ANGPT2: variants seen among roughly 807,000 people sequenced by gnomAD.
ANGPT2 encodes the protein angiopoietin-2.
In ANGPT2, 28 loss-of-function variants were observed where a neutral mutation model predicts 62.9. The ratio of observed to expected loss-of-function variants is 0.44; its 90% CI spans 0.33 to 0.61. ANGPT2 has a LOEUF of 0.61. Among genes scored for constraint, ANGPT2 ranks in the 20% least tolerant of loss-of-function variants. The pLI is 0.03. For missense variants in ANGPT2, 727 were observed against 594.9 expected, an observed-to-expected ratio of 1.22 and a Z score of -2.31; for synonymous variants, 284 against 207.8, an observed-to-expected ratio of 1.37 and a Z score of -3.15.
intron 1 of ANGPT2, among the ~76,000 whole-genome samples, chr8:6,537,391 A>G: frequency 6.6e-6 from 1 of 152,074 alleles, no homozygotes; most frequent in East Asian, 1.9e-4. Context: ...GAGTTATGCA[A>G]GTTTAACATT....
chr8:6,508,548 A>G (rs1422439197), intron 8 of ANGPT2: 5 of 304,494 alleles, frequency 1.6e-5, no homozygotes, highest in South Asian at 1.2e-4. Flanking sequence ...AAATATTTCT[A>G]TAATCTATAT....
Position 6,509,071 on chromosome 8 carries a change from G to T in ANGPT2, c.1197-9C>A. ...GTCCTTTAAGGTGAATCCTGTAAGC[G>T]TGCAAAGAAAAAAAACACATTGGCT... On this transcript the variant is annotated splice_polypyrimidine_tract_variant and intron_variant, in intron 7 of 8. Coordinates refer to ENST00000629816, the MANE Select transcript of ANGPT2 (RefSeq NM_001118887.2). 1.2e-6 allele frequency: 2 copies of T among 1,610,572 alleles called. No homozygotes were observed.
Position 6,532,459 on chromosome 8 carries a change from T to G in ANGPT2, c.317A>C (p.Lys106Thr), listed in dbSNP as rs908220774. The change falls in exon 2 of 9, where the codon AAG becomes ACG. Residue 106 changes from lysine (K) to threonine (T), a missense_variant. Physicochemically the swap from Lys to Thr is moderately conservative, Grantham distance 78. Coordinates refer to ENST00000629816, the MANE Select transcript of ANGPT2 (RefSeq NM_001118887.2). ...CTGCTGTATCTCTACCATTTCTTTC[T>G]TCATGTTGTCCTGGATATAATTCTC... ...KLENYIQDNM[K>T]KEMVEIQQNA... 2 of 1,613,788 alleles carry G rather than the reference T, an allele frequency of 1.2e-6. No homozygotes were observed. The highest frequency in any genetic ancestry group is 2.7e-5 in the African/African-American group (2 of 74,904).
At chr8:6,531,453 T>C (rs1178810474) in intron 2 of ANGPT2, among the ~76,000 whole-genome samples, 1 of 152,046 alleles carries the variant, frequency 6.6e-6, no homozygotes, top group East Asian at 1.9e-4. Context: ...CACACCTGGC[T>C]AATTTGTTTG....
intron 4 of ANGPT2, among the ~76,000 whole-genome samples, chr8:6,520,849 T>C (rs1817193294): frequency 6.6e-6 from 1 of 152,222 alleles, no homozygotes; most frequent in African/African-American, 2.4e-5. Flanking sequence ...GGGTCTGATA[T>C]TATTTTTCCC....
intron 8 of ANGPT2, 85 bp downstream of exon 8, chr8:6,508,847 C>G (rs1297704870): frequency 8.9e-6 from 14 of 1,564,848 alleles, no homozygotes; most frequent in Non-Finnish European, 1.2e-5. Flanking sequence ...TTACAAATCA[C>G]AATTTGTAGT....
chr8:6,510,116 T>C (rs1285703803), intron 7 of ANGPT2, among the ~76,000 whole-genome samples: 1 of 151,992 alleles, frequency 6.6e-6, no homozygotes, highest in Non-Finnish European at 1.5e-5. Flanking sequence ...GCAAGGAGCA[T>C]ATAAGGGAAG....
chr8:6,503,336 C>A, intron 8 of ANGPT2, 75 bp from the exon 9 acceptor site: 1 of 1,537,548 alleles, frequency 6.5e-7, no homozygotes, highest in Non-Finnish European at 8.9e-7. Context: ...CAATACTCAG[C>A]TAAGGCAGGA....
intron 3 of ANGPT2, among the ~76,000 whole-genome samples, chr8:6,525,755 G>A (rs1442933761): frequency 6.6e-6 from 1 of 151,910 alleles, no homozygotes; most frequent in African/African-American, 2.4e-5. Context: ...TATAGCTGTT[G>A]ATGAAAAAAA....
rs201599657 is a variant in ANGPT2, at chr8:6,499,860, G to A, written c.*3241C>T. 356 of 1,613,020 alleles carry A rather than the reference G, an allele frequency of 2.2e-4. No individual in the cohort carries two copies. The highest frequency in any genetic ancestry group is 2.8e-4 in the Non-Finnish European group (335 of 1,179,948). On this transcript the variant is annotated 3_prime_UTR_variant, in exon 9 of 9. Coordinates refer to ENST00000629816, the MANE Select transcript of ANGPT2 (RefSeq NM_001118887.2). Reference sequence around the variant, plus strand: ...TGTTGTGTCACTTGCAGGTGCTATGGTCTTTAGAATTGGGTCACTGGATTT... The same window carrying A: ...TGTTGTGTCACTTGCAGGTGCTATGATCTTTAGAATTGGGTCACTGGATTT...
chr8:6,513,953 T>G, intron 6 of ANGPT2, 109 bp from the exon 7 acceptor site: 1 of 1,090,394 alleles, frequency 9.2e-7, no homozygotes, highest in Non-Finnish European at 1.3e-6. Context: ...TAGCAGAAAT[T>G]CCTTCTGGTG....
rs936575985 is a variant in ANGPT2, at chr8:6,562,730, C to T, written c.205G>A (p.Ala69Thr). Residue 69 changes from alanine to threonine, a missense_variant, in exon 1 of 9, where the codon GCG becomes ACG. Ala to Thr is a moderately conservative substitution (Grantham distance 58). Coordinates refer to ENST00000629816, the MANE Select transcript of ANGPT2 (RefSeq NM_001118887.2). ...PYVSNAVQRDAPLEYDDSVQR... is the reference protein window; with the variant it reads ...PYVSNAVQRDTPLEYDDSVQR... Reference sequence around the variant, plus strand: ...ACCGAGTCATCGTATTCGAGCGGCGCGTCCCTCTGCACAGCATTGGACACG... The same window carrying T: ...ACCGAGTCATCGTATTCGAGCGGCGTGTCCCTCTGCACAGCATTGGACACG... 24 of 1,613,626 alleles carry T rather than the reference C, an allele frequency of 1.5e-5. No individual in the cohort carries two copies. The highest frequency in any genetic ancestry group is 1.9e-5 in the Non-Finnish European group (23 of 1,179,928).
intron 7 of ANGPT2, among the ~76,000 whole-genome samples, chr8:6,511,608 A>G (rs2129566944): frequency 6.6e-6 from 1 of 152,342 alleles, no homozygotes; most frequent in Non-Finnish European, 1.5e-5. Context: ...ATTTGCAGTT[A>G]TGAGAAGTTT....
At chr8:6,561,032 AC>A (rs1289798840) in intron 1 of ANGPT2, among the ~76,000 whole-genome samples, 3 of 152,174 alleles carry the variant, frequency 2.0e-5, no homozygotes, top group Admixed American at 1.3e-4. Context: ...AAAGCCATTA[AC>A]CATCAGCTTG....
intron 1 of ANGPT2, among the ~76,000 whole-genome samples, chr8:6,539,160 T>G (rs995964338): frequency 2.6e-5 from 4 of 152,204 alleles, no homozygotes; most frequent in African/African-American, 9.6e-5. Flanking sequence ...GGGCAGCACT[T>G]TGTCCTCCTA....
intron 7 of ANGPT2, among the ~76,000 whole-genome samples, chr8:6,510,391 T>G (rs1186466757): frequency 6.6e-6 from 1 of 152,206 alleles, no homozygotes; most frequent in Non-Finnish European, 1.5e-5. Flanking sequence ...AGCACCAAGA[T>G]GATGCCCTTC....
At chr8:6,548,366 G>A (rs974324917) in intron 1 of ANGPT2, among the ~76,000 whole-genome samples, 5 of 152,180 alleles carry the variant, frequency 3.3e-5, no homozygotes, top group African/African-American at 7.2e-5. Flanking sequence ...GCAAGTCCAT[G>A]CTAGCCTAGG....
At chr8:6,530,423 C>T (rs979421901) in intron 2 of ANGPT2, among the ~76,000 whole-genome samples, 3 of 150,020 alleles carry the variant, frequency 2.0e-5, no homozygotes, top group Admixed American at 1.4e-4. Context: ...GCACGAGAAT[C>T]GCTTGAACCC....
At chr8:6,530,896 T>G (rs1482789475) in intron 2 of ANGPT2, among the ~76,000 whole-genome samples, 1 of 152,220 alleles carries the variant, frequency 6.6e-6, no homozygotes, top group Non-Finnish European at 1.5e-5. Flanking sequence ...GCATCTCCCC[T>G]CTCATGTCCT....
Sources: allele counts gnomAD v4.1 joint callset (sites outside exome capture counted in the v4.1 genomes callset), GRCh38; gene constraint gnomAD v4.1.1; transcripts MANE v1.5; gene names NCBI Gene and HGNC (gene_info 2026-07-23, HGNC 2026-07-21).